The following CR2 variants were observed in gnomAD, a reference collection of about 807,000 sequenced individuals.
CR2 encodes complement receptor type 2.
In CR2, 96 loss-of-function variants were observed where a neutral mutation model predicts 123.0. The observed-to-expected ratio is 0.78, with a 90% confidence interval of 0.66 to 0.93. The LOEUF is 0.93. CR2 is among the 40% of genes least tolerant of loss of function. The pLI is 0.00. For synonymous variants in CR2, 484 were observed against 469.5 expected (o/e 1.03, Z -0.40); for missense variants, 1,258 against 1,361.0 (o/e 0.92, Z 1.19).
intron 6 of CR2, among the ~76,000 whole-genome samples, chr1:207,470,476 G>T (rs1418292214): frequency 1.3e-5 from 2 of 152,120 alleles, no homozygotes; most frequent in Non-Finnish European, 2.9e-5. Flanking sequence ...ATGAAGGGAA[G>T]AGGCAGGAGA....
At chr1:207,475,609 A>T (rs74469966) in intron 14 of CR2, among the ~76,000 whole-genome samples, 1 of 152,236 alleles carries the variant, frequency 6.6e-6, no homozygotes, top group Non-Finnish European at 1.5e-5. Context: ...TGGAGAATTA[A>T]TTGGCCCTCC....
At chr1:207,462,688 T>G (rs1232636024) in intron 1 of CR2, among the ~76,000 whole-genome samples, 1 of 152,156 alleles carries the variant, frequency 6.6e-6, no homozygotes, top group Non-Finnish European at 1.5e-5. Context: ...ATAGTTGGTT[T>G]GGAGAGAGAT....
At position 207,473,541 on chromosome 1, in the gene CR2, T is replaced by G; in HGVS notation, c.1979-4T>G. ...GTATTTATGTAGGGAGTTTTTCTCTTCAGGCTGCCAGTCACCTCCTGGGCT... is the reference window on the plus strand; with the variant it reads ...GTATTTATGTAGGGAGTTTTTCTCTGCAGGCTGCCAGTCACCTCCTGGGCT... On this transcript the variant is annotated splice_polypyrimidine_tract_variant and splice_region_variant and intron_variant, in intron 10 of 19. Coordinates refer to ENST00000367057, the MANE Select transcript of CR2 (RefSeq NM_001006658.3). 6.2e-7 allele frequency: 1 copy of G among 1,613,362 alleles called. No individual in the cohort carries two copies. The highest frequency in any genetic ancestry group is 8.5e-7 in the Non-Finnish European group (1 of 1,179,364).
rs376173832 is a variant in CR2, at chr1:207,473,034, C to T, written c.1833C>T (p.Tyr611=). 65 of 1,613,966 alleles carry T rather than the reference C, an allele frequency of 4.0e-5. No individual in the cohort carries two copies. In the East Asian group the frequency reaches 9.6e-4, roughly 24 times the overall value. The change falls in exon 10 of 20, where the codon TAC becomes TAT. Residue 611 remains tyrosine, a synonymous_variant. Transcript: ENST00000367057. The stretch of plus-strand genomic sequence containing the variant: ...CACATGTCCATATTGCAAATGGATA[C>T]AAGATATCTGGCAAGGAAGCCCCAT... ...QCSHVHIANG[Y]KISGKEAPYF...
intron 17 of CR2, among the ~76,000 whole-genome samples, chr1:207,479,578 G>A (rs1658547892): frequency 6.6e-6 from 1 of 152,182 alleles, no homozygotes; most frequent in Non-Finnish European, 1.5e-5. Context: ...TTCTTCTGCT[G>A]TAGCAAAATA....
rs147549551 is a variant in CR2, at chr1:207,465,055, C to T, written c.59-1471C>T. Among the ~76,000 whole-genome samples, 577 of 152,164 alleles carry T rather than the reference C, an allele frequency of 3.8e-3. 4 individuals carry two copies. Among genetic ancestry groups the T allele is most frequent in the African/African-American group, 0.014 (561 of 41,500 alleles). On this transcript the variant is annotated intron_variant, in intron 1 of 19. Coordinates refer to ENST00000367057, the MANE Select transcript of CR2 (RefSeq NM_001006658.3). ...AAGCGATTCTCCTGTCTCAGCCTCC[C>T]GAGTAGCTGGGATTACAGGCATCCA...
At chr1:207,464,100 A>G (rs186297470) in intron 1 of CR2, among the ~76,000 whole-genome samples, 1 of 152,306 alleles carries the variant, frequency 6.6e-6, no homozygotes, top group East Asian at 1.9e-4. Flanking sequence ...TGCCAACTTT[A>G]TTCCATGCAA....
At chr1:207,472,716 GT>G (rs1487133638) in intron 9 of CR2, 55 bp from the exon 10 acceptor site, 3 of 1,569,902 alleles carry the variant, frequency 1.9e-6, no homozygotes, top group Non-Finnish European at 2.6e-6. Flanking sequence ...GTGGTTCTTT[GT>G]TCTTTGGTGT....
rs1308580626 is a variant in CR2, at chr1:207,468,584, A to AGAG, written c.505_506insGGA (p.Glu168_Asn169insArg). ...ATCCACAATGGACATCACACAAGTG[A>AGAG]GAATGTTGGCTCCATTGCTCCAGGA... On this transcript the variant is annotated inframe_insertion, in exon 3 of 20. Transcript: ENST00000367057. The AGAG allele has an allele frequency of 6.2e-7, 1 of 1,613,876 alleles. No homozygotes were observed. The highest frequency in any genetic ancestry group is 8.5e-7 in the Non-Finnish European group (1 of 1,179,972).
intron 1 of CR2, among the ~76,000 whole-genome samples, chr1:207,457,338 T>G (rs1354549380): frequency 1.3e-5 from 2 of 152,218 alleles, no homozygotes; most frequent in African/African-American, 4.8e-5. Context: ...CATACCCTCT[T>G]GCCTTTGCAA....
chr1:207,470,328 T>C lies in CR2; in HGVS notation c.1225+226T>C, dbSNP rs568515. On this transcript the variant is annotated intron_variant, in intron 6 of 19. Transcript: ENST00000367057. ...AAAATGTTAGGAATCACTAAGTTTC[T>C]CATTTCTATAGGGGAAAAAATGAGG... Among the ~76,000 whole-genome samples, 45,845 of 151,970 alleles carry C rather than the reference T, an allele frequency of 0.3. 7,250 individuals are homozygous for C. The highest frequency in any genetic ancestry group is 0.38 in the African/African-American group (15,607 of 41,414).
intron 9 of CR2, among the ~76,000 whole-genome samples, chr1:207,472,138 A>G (rs1658300181): frequency 6.6e-6 from 1 of 152,102 alleles, no homozygotes. Context: ...GGTCCTAACT[A>G]CTTGGGAGAC....
At chr1:207,473,239 C>G in intron 10 of CR2, 60 bp downstream of exon 10, 3 of 1,587,102 alleles carry the variant, frequency 1.9e-6, no homozygotes, top group Non-Finnish European at 2.6e-6. Flanking sequence ...TGTTTATTAT[C>G]TCCCACCCAA....
rs764369159 is a variant in CR2, at chr1:207,468,595, T to C, written c.514T>C (p.Ser172Pro). 6.2e-7 allele frequency: 1 copy of C among 1,614,084 alleles called. No homozygotes were observed. The highest frequency in any genetic ancestry group is 8.5e-7 in the Non-Finnish European group (1 of 1,179,962). ...NGHHTSENVG[S>P]IAPGLSVTYS... ...ACATCACACAAGTGAGAATGTTGGC[T>C]CCATTGCTCCAGGATTGTCTGTGAC... Residue 172 changes from serine to proline, a missense_variant, in exon 3 of 20, where the codon TCC becomes CCC. Coordinates refer to ENST00000367057, the MANE Select transcript of CR2 (RefSeq NM_001006658.3).
chr1:207,473,478 T>C lies in CR2; in HGVS notation c.1979-67T>C. The C allele has an allele frequency of 2.7e-6, 4 of 1,479,596 alleles. No homozygotes were observed. In the South Asian group the frequency reaches 4.5e-5, roughly 17 times the overall value. The allele number at this position is 1,479,596 out of a possible 1,614,324, so 91.7% of individuals were successfully genotyped here. On this transcript the variant is annotated intron_variant, in intron 10 of 19. Transcript: ENST00000367057. ...GTTTCAGACTGTCTGTCCAATGTTGTACACTTAGTGTTCTTGAGTAGAAAT... is the reference window on the plus strand; with the variant it reads ...GTTTCAGACTGTCTGTCCAATGTTGCACACTTAGTGTTCTTGAGTAGAAAT...
At chr1:207,457,565 G>C (rs188337407) in intron 1 of CR2, among the ~76,000 whole-genome samples, 50 of 152,144 alleles carry the variant, frequency 3.3e-4, no homozygotes, top group Non-Finnish European at 3.7e-4. Flanking sequence ...CTCCACTTCA[G>C]ACAGGCTTCT....
In CR2 at chr1:207,480,040, A is replaced by G. The variant is rs1449073387; in HGVS notation, c.3175A>G (p.Lys1059Glu). ...LIVITLYVIS[K>E]HRARNYYTDT... ...TGTCATTACCTTATACGTGATATCA[A>G]AACACAGAGCACGGTAAGTTCAAAG... Residue 1059 changes from lysine to glutamate, a missense_variant, in exon 18 of 20, where the codon AAA becomes GAA. Coordinates refer to ENST00000367057, the MANE Select transcript of CR2 (RefSeq NM_001006658.3). 6.2e-7 allele frequency: 1 copy of G among 1,612,150 alleles called. No homozygotes were observed. The highest frequency in any genetic ancestry group is 1.3e-5 in the African/African-American group (1 of 74,968).
At chr1:207,470,710 GT>G (rs1443063038) in intron 6 of CR2, 29 bp from the exon 7 acceptor site, 2 of 1,609,072 alleles carry the variant, frequency 1.2e-6, no homozygotes, top group African/African-American at 1.3e-5. Context: ...TACTTAAGCA[GT>G]TATGTTTTGT....
chr1:207,475,261 A>AC (rs1658404850), intron 14 of CR2, 45 bp downstream of exon 14: 2 of 1,602,614 alleles, frequency 1.2e-6, no homozygotes, highest in Non-Finnish European at 1.7e-6. Context: ...TGTACAGAAT[A>AC]AAGAAAAGAG....
Sources: allele counts gnomAD v4.1 joint callset (sites outside exome capture counted in the v4.1 genomes callset), GRCh38; gene constraint gnomAD v4.1.1; transcripts MANE v1.5; gene names NCBI Gene and HGNC (gene_info 2026-07-23, HGNC 2026-07-21).